MYO9B: variants seen among roughly 807,000 people sequenced by gnomAD.
The protein encoded by MYO9B is myosin IXB.
Under a neutral mutation model 229.5 loss-of-function variants are expected in MYO9B, and 71 were observed. That is an observed-to-expected ratio of 0.31 (90% CI 0.26 to 0.38). MYO9B has a LOEUF of 0.38. Among genes scored for constraint, MYO9B ranks in the 10% least tolerant of loss-of-function variants. The probability of loss-of-function intolerance (pLI) is 1.00; values close to 1 mark genes in which losing one functional copy is unlikely to be tolerated. For missense variants in MYO9B, 2,255 were observed against 2,920.5 expected (o/e 0.77, Z 5.25); for synonymous variants, 1,185 against 1,235.8 (o/e 0.96, Z 0.86).
At chr19:17,114,998 T>A (rs74585370) in intron 2 of MYO9B, among the ~76,000 whole-genome samples, 11,011 of 150,894 alleles carry the variant, frequency 0.073, 440 homozygotes, top group South Asian at 0.11. Flanking sequence ...TTAAAAAAAA[T>A]TTTTTTTAGA....
At chr19:17,155,296 C>T (rs545680226) in intron 6 of MYO9B, among the ~76,000 whole-genome samples, 38 of 152,010 alleles carry the variant, frequency 2.5e-4, no homozygotes, top group Non-Finnish European at 3.4e-4. Flanking sequence ...TCAGGTGATC[C>T]TCCCACCTCA....
intron 2 of MYO9B, among the ~76,000 whole-genome samples, chr19:17,114,634 G>T (rs915774315): frequency 1.3e-5 from 2 of 152,238 alleles, no homozygotes; most frequent in Admixed American, 6.5e-5. Context: ...CCCTGCTGGG[G>T]TTTTTTGCAA....
chr19:17,137,922 T>C (rs2072291637), intron 2 of MYO9B, among the ~76,000 whole-genome samples: 1 of 151,002 alleles, frequency 6.6e-6, no homozygotes, highest in Admixed American at 6.6e-5. Context: ...TTTTTAATAC[T>C]TTAAGTTCTG....
intron 17 of MYO9B, among the ~76,000 whole-genome samples, chr19:17,185,235 G>A (rs10426705): frequency 0.084 from 12,804 of 151,892 alleles, 1,130 homozygotes; most frequent in African/African-American, 0.22. Flanking sequence ...TTAGCCGGGC[G>A]TAGTGGCGGG....
chr19:17,102,617 C>T (rs1029172798), intron 2 of MYO9B, 60 bp downstream of exon 2: 2 of 1,478,280 alleles, frequency 1.4e-6, no homozygotes, highest in Admixed American at 4.5e-5. Flanking sequence ...ATGCGGGTTT[C>T]AGGCCAAGCT....
At chr19:17,132,758 C>T (rs2072217552) in intron 2 of MYO9B, among the ~76,000 whole-genome samples, 4 of 149,696 alleles carry the variant, frequency 2.7e-5, no homozygotes, top group African/African-American at 9.9e-5. Context: ...GAACTCCTGA[C>T]CTCAAGTGAT....
chr19:17,196,155 TGG>T (rs2073040508), intron 22 of MYO9B, among the ~76,000 whole-genome samples: 1 of 11,050 alleles, frequency 9.0e-5, no homozygotes, highest in African/African-American at 3.2e-4. Context: ...GGTGGGTGGG[TGG>T]GTGGGTGGAT....
chr19:17,082,989 G>A (rs527527117), intron 1 of MYO9B, among the ~76,000 whole-genome samples: 6 of 150,670 alleles, frequency 4.0e-5, no homozygotes, highest in Admixed American at 1.3e-4. Context: ...TCAAGTGCCC[G>A]TGGGTCCTCG....
chr19:17,205,059 G>A (rs567398218), intron 30 of MYO9B, among the ~76,000 whole-genome samples: 1 of 151,944 alleles, frequency 6.6e-6, no homozygotes, highest in South Asian at 2.1e-4. Context: ...GCCGAGGCAG[G>A]AGAATCACTT....
chr19:17,190,636 T>G (rs1599409464), intron 19 of MYO9B, among the ~76,000 whole-genome samples: 1 of 79,756 alleles, frequency 1.3e-5, no homozygotes, highest in Non-Finnish European at 2.3e-5. Flanking sequence ...AGACCCCGTC[T>G]CAAAAAAAAA....
intron 14 of MYO9B, among the ~76,000 whole-genome samples, chr19:17,180,355 T>C (rs2072844290): frequency 7.9e-6 from 1 of 126,334 alleles, no homozygotes; most frequent in African/African-American, 3.0e-5. Context: ...TTTTTTTTTT[T>C]TTTTTTTTTT....
chr19:17,200,297 A>C lies in MYO9B; in HGVS notation c.4243A>C (p.Thr1415Pro). The C allele has an allele frequency of 1.2e-6, 2 of 1,606,628 alleles. No homozygotes were observed. The highest frequency in any genetic ancestry group is 1.7e-6 in the Non-Finnish European group (2 of 1,178,084). Residue 1415 changes from threonine to proline, a missense_variant, in exon 25 of 40, where the codon ACG (threonine) becomes CCG (proline). This residue lies in a region of MYO9B where 679 missense variants were observed against 770.2 expected (regional missense o/e 0.88). Transcript: ENST00000682292. ...GCCACGTACTTTCTCCTGCAGATCC[A>C]CGTTTAAGAGGCTTTTTCTGCATAA... ...SPGSQVDSKS[T>P]FKRLFLHKTK...
chr19:17,088,914 A>G (rs1384005744), intron 1 of MYO9B, among the ~76,000 whole-genome samples: 2 of 151,760 alleles, frequency 1.3e-5, no homozygotes, highest in Non-Finnish European at 2.9e-5. Context: ...CTGGTCTCAA[A>G]CTCCTAGGCT....
intron 2 of MYO9B, among the ~76,000 whole-genome samples, chr19:17,143,653 G>A (rs2072369805): frequency 6.6e-6 from 1 of 151,898 alleles, no homozygotes; most frequent in South Asian, 2.1e-4. Flanking sequence ...CAGGCACAGT[G>A]GCTCACGCCT....
At chr19:17,165,359 CA>C (rs879937918) in intron 10 of MYO9B, among the ~76,000 whole-genome samples, 141 of 128,434 alleles carry the variant, frequency 1.1e-3, no homozygotes, top group Admixed American at 1.2e-3. Context: ...GACCCTGTCT[CA>C]AAAAAAAAAA....
chr19:17,182,221 A>G (rs905766066), intron 15 of MYO9B, among the ~76,000 whole-genome samples: 1 of 152,004 alleles, frequency 6.6e-6, no homozygotes, highest in Non-Finnish European at 1.5e-5. Flanking sequence ...CTGGAACTAC[A>G]GGTGCGCATT....
At position 17,154,402 on chromosome 19, in the gene MYO9B, G is replaced by A. The variant is rs747916577; in HGVS notation, c.1186G>A (p.Ala396Thr). ...CATGGAGATGGTGGGCTTCCTCCCC[G>A]CCACCAAGAAGCAGTAAGTGTGCGG... The part of the protein sequence containing the change: ...QAMEMVGFLP[A>T]TKKQIFAVLS... The change falls in exon 6 of 40, where the codon GCC becomes ACC. Residue 396 changes from alanine (A) to threonine (T), a missense_variant. By Grantham distance (58) the Ala-to-Thr change is moderately conservative. Transcript: ENST00000682292. The A allele has an allele frequency of 8.1e-6, 13 of 1,611,524 alleles. No homozygotes were observed. The highest frequency in any genetic ancestry group is 1.3e-5 in the African/African-American group (1 of 74,810).
rs1304587348 is a variant in MYO9B at position 17,207,253 on chromosome 19, C to A, written c.5624+9C>A. 1 of 1,590,108 alleles carries A rather than the reference C, an allele frequency of 6.3e-7. No individual in the cohort carries two copies. Among genetic ancestry groups the A allele is most frequent in the South Asian group, 1.2e-5 (1 of 86,940 alleles). On this transcript the variant is annotated intron_variant, in intron 35 of 39. Coordinates refer to ENST00000682292, the MANE Select transcript of MYO9B (RefSeq NM_004145.4). Reference sequence around the variant, plus strand: ...GTCCTCAAGATCACCACGTGAGTGCCCACCCTGCCCCGGAGGCATGCTCAG... The same window carrying A: ...GTCCTCAAGATCACCACGTGAGTGCACACCCTGCCCCGGAGGCATGCTCAG...
At chr19:17,206,839 G>A (rs757178188) in intron 34 of MYO9B, 55 bp downstream of exon 34, 44 of 1,433,314 alleles carry the variant, frequency 3.1e-5, no homozygotes, top group African/African-American at 8.5e-5. Context: ...GGGAACCCGC[G>A]AGGCAGCATT....
Sources: allele counts gnomAD v4.1 joint callset (sites outside exome capture counted in the v4.1 genomes callset), GRCh38; gene constraint gnomAD v4.1.1; regional missense constraint gnomAD v4.1.1; transcripts MANE v1.5; gene names NCBI Gene and HGNC (gene_info 2026-07-23, HGNC 2026-07-21).